WNT9A: variants seen among roughly 807,000 people sequenced by gnomAD.
WNT9A encodes the protein protein Wnt-9a.
In WNT9A, 8 loss-of-function variants were observed where a neutral mutation model predicts 31.4. The ratio of observed to expected loss-of-function variants is 0.26; its 90% CI spans 0.15 to 0.46. The LOEUF (loss-of-function observed/expected upper bound fraction) is 0.46. Among genes scored for constraint, WNT9A ranks in the 20% least tolerant of loss-of-function variants. The probability of loss-of-function intolerance (pLI) is 0.99; values close to 1 mark genes in which losing one functional copy is unlikely to be tolerated. For missense variants in WNT9A, 457 were observed against 522.9 expected (o/e 0.87, Z 1.23); for synonymous variants, 236 against 220.1 (o/e 1.07, Z -0.64).
intron 1 of WNT9A, among the ~76,000 whole-genome samples, chr1:227,927,540 A>C (rs1322390017): frequency 6.6e-6 from 1 of 152,058 alleles, no homozygotes; most frequent in Non-Finnish European, 1.5e-5. Flanking sequence ...ATGCACAGAC[A>C]CCTCCAAGCC....
intron 1 of WNT9A, among the ~76,000 whole-genome samples, chr1:227,931,308 G>A (rs938447453): frequency 2.6e-5 from 4 of 152,264 alleles, no homozygotes; most frequent in Middle Eastern, 3.4e-3. Flanking sequence ...GGATTTTCAC[G>A]TCTGTGTTTG....
chr1:227,937,566 A>G (rs1224304140), intron 1 of WNT9A, among the ~76,000 whole-genome samples: 1 of 152,216 alleles, frequency 6.6e-6, no homozygotes, highest in East Asian at 1.9e-4. Context: ...CTGTCCTTAT[A>G]AGAAAAAGGA....
intron 1 of WNT9A, among the ~76,000 whole-genome samples, chr1:227,932,424 T>C (rs986416577): frequency 6.6e-6 from 1 of 152,190 alleles, no homozygotes; most frequent in African/African-American, 2.4e-5. Flanking sequence ...CTTCCTCCCC[T>C]GAAGTCTGGG....
At chr1:227,947,649 C>G (rs1666816319) in intron 1 of WNT9A, 144 bp downstream of exon 1, 5 of 310,372 alleles carry the variant, frequency 1.6e-5, no homozygotes, top group Admixed American at 6.1e-5. Context: ...ACGCGCGCGC[C>G]GCAAACAAAC....
chr1:227,942,196 G>A lies in WNT9A; in HGVS notation c.95+5597C>T, dbSNP rs755977852. ...CAGCTGTCTCCCCAACCAGACGTCC[G>A]CCGGCTGTGGACAGGACATCTGCTC... On this transcript the variant is annotated intron_variant, in intron 1 of 3. Coordinates refer to ENST00000272164, the MANE Select transcript of WNT9A (RefSeq NM_003395.4). This position sits in a 1 kb window ranked among gnomAD's most constrained non-coding sequence, Gnocchi z 5.7. Among the ~76,000 whole-genome samples, 15 of 152,242 alleles carry A rather than the reference G, an allele frequency of 9.9e-5. No homozygotes were observed. The highest frequency in any genetic ancestry group is 8.3e-4 in the South Asian group (4 of 4,822).
Position 227,939,881 on chromosome 1 carries a change from A to G in WNT9A, c.95+7912T>C, listed in dbSNP as rs528871201. Among the ~76,000 whole-genome samples the G allele has an allele frequency of 2.5e-3, 386 of 152,332 alleles. 2 individuals are homozygous for G. Among genetic ancestry groups the G allele is most frequent in the African/African-American group, 8.8e-3 (367 of 41,572 alleles). ...ACTCTCCACCCTCCCCGTGGTCTGCAAATCAACCCAGCCCGAGCCCAGCTT... is the reference window on the plus strand; with the variant it reads ...ACTCTCCACCCTCCCCGTGGTCTGCGAATCAACCCAGCCCGAGCCCAGCTT... On this transcript the variant is annotated intron_variant, in intron 1 of 3. Coordinates refer to ENST00000272164, the MANE Select transcript of WNT9A (RefSeq NM_003395.4).
At position 227,926,593 on chromosome 1, in the gene WNT9A, C is replaced by A. The variant is rs74140813; in HGVS notation, c.96-1074G>T. 0.1 allele frequency among the ~76,000 whole-genome samples: 15,188 copies of A among 152,132 alleles called. 843 individuals carry two copies. Among genetic ancestry groups the A allele is most frequent in the South Asian group, 0.12 (595 of 4,820 alleles). On this transcript the variant is annotated intron_variant, in intron 1 of 3. Coordinates refer to ENST00000272164, the MANE Select transcript of WNT9A (RefSeq NM_003395.4). This position sits in a 1 kb window ranked among gnomAD's most constrained non-coding sequence, Gnocchi z 5.0. Reference sequence around the variant, plus strand: ...ACATGGGTGGACTGAATGTCAGGGGCCCCAGGCACGGCCACCTCAAGCCAG... The same window carrying A: ...ACATGGGTGGACTGAATGTCAGGGGACCCAGGCACGGCCACCTCAAGCCAG...
chr1:227,939,712 G>A (rs966362775), intron 1 of WNT9A, among the ~76,000 whole-genome samples: 5 of 152,188 alleles, frequency 3.3e-5, no homozygotes, highest in South Asian at 2.1e-4. Context: ...TCTCCCCCAG[G>A]CTGGGGCAGA....
intron 3 of WNT9A, among the ~76,000 whole-genome samples, chr1:227,923,825 G>A (rs962012154): frequency 7.9e-5 from 12 of 152,282 alleles, no homozygotes; most frequent in African/African-American, 2.9e-4. Context: ...GCCTAACCAA[G>A]GACACCCTCC....
At position 227,921,256 on chromosome 1, in the gene WNT9A, C is replaced by G; in HGVS notation, c.*262G>C. On this transcript the variant is annotated 3_prime_UTR_variant, in exon 4 of 4. Transcript: ENST00000272164. ...ACTGGGCCCAGGGATTCAGCCTTGG[C>G]AGGTGTAGGCCCATTCATGCTCTGT... 1 of 496,104 alleles carries G rather than the reference C, an allele frequency of 2.0e-6. No homozygotes were observed. The highest frequency in any genetic ancestry group is 1.9e-5 in the African/African-American group (1 of 52,064). 30.7% of individuals were successfully genotyped at this position (496,104 alleles called of 1,614,324 possible).
chr1:227,921,798 C>G lies in WNT9A; in HGVS notation c.818G>C (p.Arg273Pro), dbSNP rs772729037. The change falls in exon 4 of 4, where the codon CGT becomes CCT. Residue 273 changes from arginine (R) to proline (P), a missense_variant. Physicochemically the swap from Arg to Pro is moderately radical, Grantham distance 103 (BLOSUM62 -2). Coordinates refer to ENST00000272164, the MANE Select transcript of WNT9A (RefSeq NM_003395.4). ...GTCGCTGCCACCTGCCCCCGAGGCA[C>G]GGCCCCGTGGTGGGGAGATGGCACC... ...EAGAISPPRG[R>P]ASGAGGSDPL... The G allele has an allele frequency of 6.2e-7, 1 of 1,612,590 alleles. No homozygotes were observed. Among genetic ancestry groups the G allele is most frequent in the Non-Finnish European group, 8.5e-7 (1 of 1,179,712 alleles).
At position 227,942,421 on chromosome 1, in the gene WNT9A, G is replaced by A. The variant is rs1485589846; in HGVS notation, c.95+5372C>T. On this transcript the variant is annotated intron_variant, in intron 1 of 3. Coordinates refer to ENST00000272164, the MANE Select transcript of WNT9A (RefSeq NM_003395.4). This position sits in a 1 kb window ranked among gnomAD's most constrained non-coding sequence, Gnocchi z 5.7. ...TGACACTCCAGACCCTCCCACTTAC[G>A]GCCCCACTGTCAGGGAAGCCAAGCA... Among the ~76,000 whole-genome samples, 2 of 152,138 alleles carry A rather than the reference G, an allele frequency of 1.3e-5. No individual in the cohort carries two copies. Among genetic ancestry groups the A allele is most frequent in the African/African-American group, 2.4e-5 (1 of 41,436 alleles).
chr1:227,928,133 G>C lies in WNT9A; in HGVS notation c.96-2614C>G, dbSNP rs1048074531. Among the ~76,000 whole-genome samples the C allele has an allele frequency of 6.6e-6, 1 of 152,138 alleles. No homozygotes were observed. The highest frequency in any genetic ancestry group is 2.4e-5 in the African/African-American group (1 of 41,410). On this transcript the variant is annotated intron_variant, in intron 1 of 3. Coordinates refer to ENST00000272164, the MANE Select transcript of WNT9A (RefSeq NM_003395.4). The surrounding 1 kb of genome is among the most constrained non-coding windows in gnomAD (Gnocchi z 4.5). Reference sequence around the variant, plus strand: ...AGGCCCGAGCACGCCGGGGCACTGAGAGCTGGTTTGACGGTGACTAGCTGA... The same window carrying C: ...AGGCCCGAGCACGCCGGGGCACTGACAGCTGGTTTGACGGTGACTAGCTGA...
chr1:227,943,297 G>T (rs1187167858), intron 1 of WNT9A, among the ~76,000 whole-genome samples: 1 of 152,226 alleles, frequency 6.6e-6, no homozygotes, highest in African/African-American at 2.4e-5. Context: ...GGCTCCTTGT[G>T]CAGGGGTAAG....
Position 227,921,312 on chromosome 1 carries a change from G to A in WNT9A, c.*206C>T. ...GCCTGCACCCCATGCAGCTAGGACT[G>A]AGCCCAGGGACTCACCCCACGCTGC... On this transcript the variant is annotated 3_prime_UTR_variant, in exon 4 of 4. Coordinates refer to ENST00000272164, the MANE Select transcript of WNT9A (RefSeq NM_003395.4). 1 of 727,906 alleles carries A rather than the reference G, an allele frequency of 1.4e-6. No individual in the cohort carries two copies. The highest frequency in any genetic ancestry group is 2.2e-6 in the Non-Finnish European group (1 of 458,770). 45.1% of individuals were successfully genotyped at this position (727,906 alleles called of 1,614,324 possible).
In WNT9A at chr1:227,920,269, A is replaced by G. The variant is rs1479902053; in HGVS notation, c.*1249T>C. ...GCTGTGGCCAGACGCAGCTCACTGTATTTCCTTAACTACACACATCTATCT... is the reference window on the plus strand; with the variant it reads ...GCTGTGGCCAGACGCAGCTCACTGTGTTTCCTTAACTACACACATCTATCT... On this transcript the variant is annotated 3_prime_UTR_variant, in exon 4 of 4. Transcript: ENST00000272164. 1 of 152,142 alleles carries G rather than the reference A, an allele frequency of 6.6e-6. No individual in the cohort carries two copies. Among genetic ancestry groups the G allele is most frequent in the East Asian group, 1.9e-4 (1 of 5,148 alleles). The allele number at this position is 152,142 out of a possible 1,614,324, so 9.4% of individuals were successfully genotyped here.
At chr1:227,938,481 G>C (rs931724370) in intron 1 of WNT9A, among the ~76,000 whole-genome samples, 1 of 149,630 alleles carries the variant, frequency 6.7e-6, no homozygotes, top group African/African-American at 2.5e-5. Context: ...CCACAGGAAC[G>C]AACACACCCA....
At chr1:227,922,959 T>C (rs1666348800) in intron 3 of WNT9A, among the ~76,000 whole-genome samples, 1 of 152,200 alleles carries the variant, frequency 6.6e-6, no homozygotes, top group African/African-American at 2.4e-5. Flanking sequence ...TTAATTAAAA[T>C]GTCGCTGACC....
At chr1:227,947,742 G>A in intron 1 of WNT9A, 51 bp downstream of exon 1, 1 of 915,056 alleles carries the variant, frequency 1.1e-6, no homozygotes, top group Middle Eastern at 5.3e-4. Context: ...ACCCCGCCCC[G>A]GCCCCGCCGC....
Sources: gnomAD v4.1 joint callset for allele counts (sites outside exome capture counted in the v4.1 genomes callset) on GRCh38, gnomAD v4.1.1 for gene constraint, Gnocchi (gnomAD v3.1) non-coding constraint, MANE v1.5 for transcripts, NCBI Gene and HGNC (gene_info 2026-07-23, HGNC 2026-07-21) for gene names.